TMX2: variants seen among roughly 807,000 people sequenced by gnomAD.
The protein encoded by TMX2 is thioredoxin related transmembrane protein 2.
In TMX2, 20 loss-of-function variants were observed where a neutral mutation model predicts 33.4. That is an observed-to-expected ratio of 0.60 (90% CI 0.42 to 0.87). The LOEUF (loss-of-function observed/expected upper bound fraction) is 0.87. Among genes scored for constraint, TMX2 ranks in the 40% least tolerant of loss-of-function variants. The probability of loss-of-function intolerance (pLI) is 0.00; values close to 1 mark genes in which losing one functional copy is unlikely to be tolerated. For synonymous variants in TMX2, 166 were observed against 140.7 expected, an observed-to-expected ratio of 1.18 and a Z score of -1.27; for missense variants, 340 against 370.7, an observed-to-expected ratio of 0.92 and a Z score of 0.68.
At chr11:57,721,461 C>T (rs1434591678) in intron 1 of TMX2, among the ~76,000 whole-genome samples, 1 of 149,064 alleles carries the variant, frequency 6.7e-6, no homozygotes, top group Non-Finnish European at 1.5e-5. Flanking sequence ...GGATTACAGG[C>T]ATGTGCCACC....
chr11:57,718,220 G>T, intron 1 of TMX2: 1 of 1,426,466 alleles, frequency 7.0e-7, no homozygotes, highest in Non-Finnish European at 9.9e-7. Context: ...CTTTTGTGTT[G>T]GGTCCAGCAA....
chr11:57,732,938 A>C (rs1254654689), intron 1 of TMX2, among the ~76,000 whole-genome samples: 1 of 152,170 alleles, frequency 6.6e-6, no homozygotes, highest in African/African-American at 2.4e-5. Context: ...TAGATGGCCT[A>C]CTACACACCT....
intron 1 of TMX2, among the ~76,000 whole-genome samples, chr11:57,731,113 TTTTTG>T (rs1289746472): frequency 4.0e-5 from 5 of 124,942 alleles, no homozygotes; most frequent in Non-Finnish European, 6.5e-5. Flanking sequence ...CTCTTTCCGT[TTTTTG>T]TTTTTTGTTT....
At chr11:57,733,912 TGTAATCCCAGCAC>T (rs1258161091) in intron 1 of TMX2, among the ~76,000 whole-genome samples, 2 of 152,076 alleles carry the variant, frequency 1.3e-5, no homozygotes, top group Admixed American at 1.3e-4. Context: ...GGCTCACGCC[TGTAATCCCAGCAC>T]TTTGGGAGGC....
rs532658991 is a variant in TMX2 at position 57,731,109 on chromosome 11, C to T, written c.190-6499C>T. Among the ~76,000 whole-genome samples, 615 of 144,054 alleles carry T rather than the reference C, an allele frequency of 4.3e-3. 8 individuals carry two copies. The highest frequency in any genetic ancestry group is 0.033 in the Middle Eastern group (9 of 272). The allele number at this position is 144,054 out of a possible 152,430, so 94.5% of individuals were successfully genotyped here. A position where few individuals can be genotyped will look rare whatever the true frequency, so the allele number is the denominator to read the frequency against. ...TGATATCTTAAAAGTGCCACTCTTTCCGTTTTTTGTTTTTTGTTTTTTTTT... is the reference window on the plus strand; with the variant it reads ...TGATATCTTAAAAGTGCCACTCTTTTCGTTTTTTGTTTTTTGTTTTTTTTT... On this transcript the variant is annotated intron_variant, in intron 1 of 7. Transcript: ENST00000278422.
chr11:57,716,264 AC>A lies in TMX2; in HGVS notation c.189+3466del, dbSNP rs1173644373. Among the ~76,000 whole-genome samples the A allele has an allele frequency of 5.0e-3, 286 of 56,734 alleles. 3 individuals carry two copies. The East Asian group carries it at 0.052, about 10-fold the overall frequency. The allele number at this position is 56,734 out of a possible 152,430, so 37.2% of individuals were successfully genotyped here. A position where few individuals can be genotyped will look rare whatever the true frequency, so the allele number is the denominator to read the frequency against. On this transcript the variant is annotated intron_variant, in intron 1 of 7. Coordinates refer to ENST00000278422, the MANE Select transcript of TMX2 (RefSeq NM_015959.4). Reference sequence around the variant, plus strand: ...GGGCGGATGGCCGGGCGGGGGGCTGACCCCCCCCCACCTCCCTCCCGGATGT... The same window carrying A: ...GGGCGGATGGCCGGGCGGGGGGCTGACCCCCCCCACCTCCCTCCCGGATGT...
At position 57,712,599 on chromosome 11, in the gene TMX2, T is replaced by C; in HGVS notation, c.-20T>C. The C allele has an allele frequency of 6.3e-7, 1 of 1,591,498 alleles. No individual in the cohort carries two copies. Among genetic ancestry groups the C allele is most frequent in the Non-Finnish European group, 8.6e-7 (1 of 1,165,896 alleles). On this transcript the variant is annotated 5_prime_UTR_variant, in exon 1 of 8. Transcript: ENST00000278422. ...CGAGACCTACGACGCCGGCGAGCAG[T>C]GGCCGTTACGGCCGAAAAGATGGCG...
Position 57,718,389 on chromosome 11 carries a change from T to TA in TMX2, c.189+5583dup, listed in dbSNP as rs369986112. On this transcript the variant is annotated intron_variant, in intron 1 of 7. Transcript: ENST00000278422. The stretch of plus-strand genomic sequence containing the variant: ...ATAATTCTGTGAAAGCAGGAACTCT[T>TA]ACAACCAAATCCTTTTTGTCCAGTG... 1.6e-5 allele frequency: 23 copies of TA among 1,443,070 alleles called. No individual in the cohort carries two copies. The African/African-American group carries it at 2.7e-4, about 17-fold the overall frequency. The allele number at this position is 1,443,070 out of a possible 1,614,324, so 89.4% of individuals were successfully genotyped here.
chr11:57,730,031 G>C (rs1470148375), intron 1 of TMX2, among the ~76,000 whole-genome samples: 1 of 151,566 alleles, frequency 6.6e-6, no homozygotes, highest in Non-Finnish European at 1.5e-5. Context: ...TTGAACCCGG[G>C]AGATGGAGGT....
At chr11:57,713,212 G>A (rs890117175) in intron 1 of TMX2, among the ~76,000 whole-genome samples, 20 of 152,178 alleles carry the variant, frequency 1.3e-4, no homozygotes, top group African/African-American at 4.8e-4. Flanking sequence ...CATTGGTGAA[G>A]AAATGGATCT....
chr11:57,731,819 T>C (rs1948428203), intron 1 of TMX2, among the ~76,000 whole-genome samples: 1 of 152,150 alleles, frequency 6.6e-6, no homozygotes, highest in South Asian at 2.1e-4. Flanking sequence ...GATAAGAATT[T>C]TAAAACTCAC....
At chr11:57,718,426 A>G (rs958164267) in intron 1 of TMX2, 1 of 1,277,706 alleles carries the variant, frequency 7.8e-7, no homozygotes. Context: ...TCAGAGCACG[A>G]AAGTTTTCTG....
At chr11:57,739,388 A>T in intron 7 of TMX2, 128 bp downstream of exon 7, 4 of 857,196 alleles carry the variant, frequency 4.7e-6, no homozygotes, top group Non-Finnish European at 7.4e-6. Flanking sequence ...TAGTTACTAG[A>T]CCTCATGTTT....
chr11:57,724,152 G>T (rs536363713), intron 1 of TMX2, among the ~76,000 whole-genome samples: 21 of 152,244 alleles, frequency 1.4e-4, no homozygotes, highest in Admixed American at 3.9e-4. Context: ...TTAAGAGCTT[G>T]TTTGAATTAA....
chr11:57,737,709 T>C, intron 2 of TMX2, 41 bp downstream of exon 2: 2 of 1,594,414 alleles, frequency 1.3e-6, no homozygotes, highest in Non-Finnish European at 1.7e-6. Flanking sequence ...TTAGATCTAA[T>C]GCCCTTTGGA....
Position 57,712,635 on chromosome 11 carries a change from C to T in TMX2, c.17C>T (p.Pro6Leu), listed in dbSNP as rs772397638. 8 of 1,613,878 alleles carry T rather than the reference C, an allele frequency of 5.0e-6. No individual in the cohort carries two copies. Among genetic ancestry groups the T allele is most frequent in the East Asian group, 4.5e-5 (2 of 44,874 alleles). MAVLA[P>L]LIALVYSVPR... ...GCCGAAAAGATGGCGGTCTTGGCAC[C>T]TCTAATTGCTCTCGTGTATTCGGTG... Residue 6 changes from proline (P) to leucine (L), a missense_variant, in exon 1 of 8, where the codon CCT (proline) becomes CTT (leucine). Pro to Leu is a moderately conservative substitution (Grantham distance 98, BLOSUM62 -3). This residue lies in a region of TMX2 where 106 missense variants were observed against 82.7 expected (regional missense o/e 1.28). Transcript: ENST00000278422.
intron 1 of TMX2, among the ~76,000 whole-genome samples, chr11:57,736,397 G>A (rs1308066883): frequency 2.0e-5 from 3 of 152,000 alleles, no homozygotes; most frequent in South Asian, 2.1e-4. Flanking sequence ...CTATGAATTT[G>A]TGTTGGACCC....
In TMX2 at chr11:57,737,807, C is replaced by T. The variant is rs1176826048; in HGVS notation, c.251-106C>T. ...CAAGGCTGAATTTGAACTTGGACTT[C>T]TATCCCCTCCCTGTCTCCTATTTCA... On this transcript the variant is annotated intron_variant, in intron 2 of 7. Coordinates refer to ENST00000278422, the MANE Select transcript of TMX2 (RefSeq NM_015959.4). 4 of 1,605,792 alleles carry T rather than the reference C, an allele frequency of 2.5e-6. No homozygotes were observed. The East Asian group carries it at 6.7e-5, about 27-fold the overall frequency.
At chr11:57,725,075 T>C (rs1334499773) in intron 1 of TMX2, among the ~76,000 whole-genome samples, 1 of 149,162 alleles carries the variant, frequency 6.7e-6, no homozygotes, top group Non-Finnish European at 1.5e-5. Flanking sequence ...GAAAAGAAAA[T>C]GGGTTCTACA....
Sources: allele counts gnomAD v4.1 joint callset (sites outside exome capture counted in the v4.1 genomes callset), GRCh38; gene constraint gnomAD v4.1.1; regional missense constraint gnomAD v4.1.1; transcripts MANE v1.5; gene names NCBI Gene and HGNC (gene_info 2026-07-23, HGNC 2026-07-21).